Variants in AS3MT observed in about 807,000 individuals in gnomAD.
The protein encoded by AS3MT is arsenite methyltransferase.
AS3MT carries 47 observed loss-of-function variants against 45.3 expected under a neutral mutation model. That is an observed-to-expected ratio of 1.04 (90% confidence interval 0.82 to 1.32). The LOEUF (loss-of-function observed/expected upper bound fraction) is 1.32, where lower values mean the gene tolerates loss of function less well. Among genes scored for constraint, AS3MT ranks in the 40% most tolerant of loss-of-function variants. AS3MT has a pLI of 0.00. For synonymous variants in AS3MT, 141 were observed against 152.8 expected (o/e 0.92, Z 0.57); for missense variants, 396 against 451.1 (o/e 0.88, Z 1.11).
rs1443442711 is a variant in AS3MT, at chr10:102,878,517, T to C, written c.742+7T>C. The C allele has an allele frequency of 2.5e-6, 4 of 1,613,712 alleles. No homozygotes were observed. The highest frequency in any genetic ancestry group is 2.5e-6 in the Non-Finnish European group (3 of 1,179,880). Reference sequence around the variant, plus strand: ...GAACTGGAAAGAGTTATCGGTAAGATATGACAGACAGCAGGGACTATTATA... The same window carrying C: ...GAACTGGAAAGAGTTATCGGTAAGACATGACAGACAGCAGGGACTATTATA... On this transcript the variant is annotated splice_region_variant and intron_variant, in intron 8 of 10. Coordinates refer to ENST00000369880, the MANE Select transcript of AS3MT (RefSeq NM_020682.4).
chr10:102,892,985 A>AAAAT (rs35801309), intron 10 of AS3MT, among the ~76,000 whole-genome samples: 26,004 of 138,182 alleles, frequency 0.19, 2,705 homozygotes, highest in African/African-American at 0.21. Context: ...ACTCTGTCTC[A>AAAAT]AAATAAATAA....
intron 10 of AS3MT, among the ~76,000 whole-genome samples, chr10:102,896,193 A>C (rs980191765): frequency 2.6e-5 from 4 of 151,796 alleles, no homozygotes; most frequent in African/African-American, 9.7e-5. Flanking sequence ...TTAGCTGGGC[A>C]CGGTGGCAAA....
intron 9 of AS3MT, among the ~76,000 whole-genome samples, chr10:102,880,585 G>A (rs542394971): frequency 1.3e-5 from 2 of 152,210 alleles, no homozygotes; most frequent in Admixed American, 1.3e-4. Flanking sequence ...CAGACCTCAA[G>A]TCAACAAATC....
chr10:102,874,789 G>C, intron 6 of AS3MT, 128 bp downstream of exon 6: 1 of 723,752 alleles, frequency 1.4e-6, no homozygotes, highest in Non-Finnish European at 2.4e-6. Context: ...ATAAGGGGTG[G>C]CAAAAGGGGG....
At chr10:102,890,451 G>A in intron 9 of AS3MT, 93 bp from the exon 10 acceptor site, 1 of 1,005,006 alleles carries the variant, frequency 1.0e-6, no homozygotes, top group Non-Finnish European at 1.5e-6. Context: ...TAGTGCTGGT[G>A]AGGATGTGGA....
intron 9 of AS3MT, among the ~76,000 whole-genome samples, chr10:102,889,836 C>T (rs1322257166): frequency 6.6e-6 from 1 of 151,956 alleles, no homozygotes; most frequent in Non-Finnish European, 1.5e-5. Context: ...CCGCCATACC[C>T]AGCTAATTTT....
chr10:102,874,666 G>A lies in AS3MT; in HGVS notation c.528+5G>A. 6.3e-7 allele frequency: 1 copy of A among 1,599,824 alleles called. No individual in the cohort carries two copies. The highest frequency in any genetic ancestry group is 8.5e-7 in the Non-Finnish European group (1 of 1,169,960). ...GAGGCATATCGGGTGCTGAAGGTGA[G>A]GAGGAGAGTGAGATAAATTATCTTT... On this transcript the variant is annotated splice_donor_5th_base_variant and intron_variant, in intron 6 of 10. Coordinates refer to ENST00000369880, the MANE Select transcript of AS3MT (RefSeq NM_020682.4).
chr10:102,878,787 G>C, intron 8 of AS3MT, 62 bp from the exon 9 acceptor site: 1 of 1,571,078 alleles, frequency 6.4e-7, no homozygotes, highest in Non-Finnish European at 8.6e-7. Context: ...CTCCTTGTCT[G>C]CTGAGCAAGG....
At chr10:102,870,012 C>T (rs1320772069) in intron 2 of AS3MT, 72 bp from the exon 3 acceptor site, 2 of 1,580,966 alleles carry the variant, frequency 1.3e-6, no homozygotes, top group Admixed American at 1.7e-5. Context: ...GAGGTGGTGA[C>T]GGAGCCCTCG....
At chr10:102,890,521 T>C in intron 9 of AS3MT, 23 bp from the exon 10 acceptor site, 1 of 1,404,374 alleles carries the variant, frequency 7.1e-7, no homozygotes, top group African/African-American at 1.5e-5. Flanking sequence ...ACTCTTAGTA[T>C]TTTTTTTTAT....
intron 10 of AS3MT, among the ~76,000 whole-genome samples, chr10:102,892,920 C>T (rs897973077): frequency 2.6e-5 from 4 of 151,604 alleles, no homozygotes; most frequent in Non-Finnish European, 5.9e-5. Flanking sequence ...GCGGAGGTTG[C>T]AATGAGACGA....
intron 8 of AS3MT, 37 bp downstream of exon 8, chr10:102,878,547 C>G: frequency 1.9e-6 from 3 of 1,605,388 alleles, no homozygotes; most frequent in African/African-American, 1.3e-5. Context: ...ATTATAACTA[C>G]AGCTTGAATG....
chr10:102,877,101 T>A, intron 7 of AS3MT, 66 bp downstream of exon 7: 1 of 1,444,092 alleles, frequency 6.9e-7, no homozygotes, highest in East Asian at 2.3e-5. Context: ...TCCTTTCTGC[T>A]AATAGCCAGG....
intron 10 of AS3MT, 76 bp from the exon 11 acceptor site, chr10:102,900,517 C>T (rs1388077701): frequency 1.9e-6 from 2 of 1,060,396 alleles, no homozygotes; most frequent in African/African-American, 1.6e-5. Flanking sequence ...CAACCTAAAT[C>T]AAACAGAAAT....
intron 10 of AS3MT, among the ~76,000 whole-genome samples, chr10:102,891,285 T>C (rs1358515680): frequency 2.0e-5 from 3 of 152,228 alleles, no homozygotes; most frequent in African/African-American, 7.2e-5. Context: ...TCGCCTGACA[T>C]TCCTGGTGGA....
rs185932769 is a variant in AS3MT, at chr10:102,874,862, C to T, written c.528+201C>T. 4.3e-3 allele frequency among the ~76,000 whole-genome samples: 656 copies of T among 152,300 alleles called. 2 individuals are homozygous for T. Among genetic ancestry groups the T allele is most frequent in the South Asian group, 0.015 (73 of 4,826 alleles). On this transcript the variant is annotated intron_variant, in intron 6 of 10. Transcript: ENST00000369880. Reference sequence around the variant, plus strand: ...TCTTAGGTTGCAAAAGGTAGTAAATCCGAGGTGACAGTTGTCACTGAATGT... The same window carrying T: ...TCTTAGGTTGCAAAAGGTAGTAAATTCGAGGTGACAGTTGTCACTGAATGT...
intron 9 of AS3MT, among the ~76,000 whole-genome samples, chr10:102,887,477 G>A (rs1312322287): frequency 2.6e-5 from 4 of 152,090 alleles, no homozygotes; most frequent in African/African-American, 4.8e-5. Context: ...ATCTATTAAT[G>A]TTTGCTTTAT....
intron 2 of AS3MT, 108 bp downstream of exon 2, chr10:102,869,953 G>A: frequency 6.4e-7 from 1 of 1,567,886 alleles, no homozygotes; most frequent in Non-Finnish European, 8.7e-7. Flanking sequence ...GTAGGGCAGG[G>A]TCTAGGCTTC....
chr10:102,877,865 G>C (rs1005026087), intron 7 of AS3MT, among the ~76,000 whole-genome samples: 1 of 146,220 alleles, frequency 6.8e-6, no homozygotes, highest in Non-Finnish European at 1.5e-5. Context: ...TGATTCTCCT[G>C]CCTCAGCCTC....
Sources: allele counts gnomAD v4.1 joint callset (sites outside exome capture counted in the v4.1 genomes callset), GRCh38; gene constraint gnomAD v4.1.1; transcripts MANE v1.5; gene names NCBI Gene and HGNC (gene_info 2026-07-23, HGNC 2026-07-21).